OPCML: variants seen among roughly 807,000 people sequenced by gnomAD.
The protein encoded by OPCML is opioid-binding protein/cell adhesion molecule.
In OPCML, 13 loss-of-function variants were observed where a neutral mutation model predicts 37.8. The observed-to-expected ratio is 0.34, with a 90% CI of 0.22 to 0.55. The LOEUF (loss-of-function observed/expected upper bound fraction) is 0.55. OPCML is among the 20% of genes least tolerant of loss of function. The pLI, the probability that OPCML is intolerant of heterozygous loss-of-function variation, is 0.91. For synonymous variants in OPCML, 176 were observed against 168.8 expected (o/e 1.04, Z -0.33); for missense variants, 341 against 435.6 (o/e 0.78, Z 1.93).
chr11:133,492,361 C>T (rs188616457), intron 1 of OPCML, among the ~76,000 whole-genome samples: 84 of 152,194 alleles, frequency 5.5e-4, no homozygotes, highest in African/African-American at 1.5e-3. Context: ...AGTACTTAAT[C>T]CCCTAGGAGA....
At chr11:132,916,816 G>A (rs974075386) in intron 2 of OPCML, among the ~76,000 whole-genome samples, 9 of 152,178 alleles carry the variant, frequency 5.9e-5, no homozygotes, top group African/African-American at 2.2e-4. Flanking sequence ...CCTTCACAGA[G>A]GGGCTGAGGA....
At chr11:133,303,454 C>G (rs2136571222) in intron 1 of OPCML, among the ~76,000 whole-genome samples, 1 of 152,292 alleles carries the variant, frequency 6.6e-6, no homozygotes, top group Non-Finnish European at 1.5e-5. Context: ...TTCATGACTG[C>G]TAATTGCTGA....
chr11:133,410,800 C>T (rs117389359), intron 1 of OPCML, among the ~76,000 whole-genome samples: 13 of 152,104 alleles, frequency 8.5e-5, no homozygotes, highest in East Asian at 5.8e-4. Context: ...CATCACTTGA[C>T]GACATGTTGT....
At chr11:132,740,856 C>A (rs984702867) in intron 2 of OPCML, among the ~76,000 whole-genome samples, 2 of 152,124 alleles carry the variant, frequency 1.3e-5, no homozygotes, top group African/African-American at 4.8e-5. Flanking sequence ...AGTTCAATTT[C>A]TCAACAAATA....
chr11:133,178,547 A>G (rs994590015), intron 1 of OPCML, among the ~76,000 whole-genome samples: 42 of 152,170 alleles, frequency 2.8e-4, no homozygotes, highest in African/African-American at 9.7e-4. Flanking sequence ...TCGTTGGGGA[A>G]ATAAGACATA....
chr11:132,817,611 A>C (rs1015863699), intron 2 of OPCML, among the ~76,000 whole-genome samples: 3 of 152,190 alleles, frequency 2.0e-5, no homozygotes, highest in Non-Finnish European at 2.9e-5. Flanking sequence ...AGAACATCTC[A>C]TAATTCCCTG....
chr11:132,496,175 A>G (rs1277860206), intron 4 of OPCML, among the ~76,000 whole-genome samples: 3 of 152,146 alleles, frequency 2.0e-5, no homozygotes, highest in African/African-American at 2.4e-5. Context: ...GCCTCAGTCA[A>G]GTGCAAGAGC....
Position 132,436,508 on chromosome 11 carries a change from C to T in OPCML, c.764+151G>A, listed in dbSNP as rs918142234. 108 of 1,423,142 alleles carry T rather than the reference C, an allele frequency of 7.6e-5. No individual in the cohort carries two copies. The Middle Eastern group carries it at 1.9e-3, about 25-fold the overall frequency. 88.2% of individuals were successfully genotyped at this position (1,423,142 alleles called of 1,614,324 possible). On this transcript the variant is annotated intron_variant, in intron 6 of 7. Coordinates refer to ENST00000524381, the MANE Select transcript of OPCML (RefSeq NM_001012393.5). ...TCCCAGCCTCCTCCATTTTTTTTCTCGTTGTAAAAATAGACTTTGTTACAA... is the reference window on the plus strand; with the variant it reads ...TCCCAGCCTCCTCCATTTTTTTTCTTGTTGTAAAAATAGACTTTGTTACAA...
intron 3 of OPCML, among the ~76,000 whole-genome samples, chr11:132,622,778 C>T (rs774540606): frequency 6.6e-6 from 1 of 152,270 alleles, no homozygotes; most frequent in South Asian, 2.1e-4. Context: ...GGCTGTAGTG[C>T]CCTTGTCTTG....
At chr11:133,133,779 G>A (rs960211850) in intron 1 of OPCML, among the ~76,000 whole-genome samples, 9 of 152,170 alleles carry the variant, frequency 5.9e-5, no homozygotes, top group African/African-American at 2.2e-4. Context: ...TCCACGAGTT[G>A]CCTGTGCTCA....
chr11:133,227,063 A>G lies in OPCML; in HGVS notation c.62-284053T>C, dbSNP rs1592122590. 3.3e-5 allele frequency among the ~76,000 whole-genome samples: 5 copies of G among 152,162 alleles called. No individual in the cohort carries two copies. In the South Asian group the frequency reaches 1.0e-3, roughly 31 times the overall value. On this transcript the variant is annotated intron_variant, in intron 1 of 7. Coordinates refer to ENST00000524381, the MANE Select transcript of OPCML (RefSeq NM_001012393.5). Reference sequence around the variant, plus strand: ...GCCGGTGTCAGCTCGAACCTGTTTCAAGGAGACCGTCGTGTTAGGGGGGGG... The same window carrying G: ...GCCGGTGTCAGCTCGAACCTGTTTCGAGGAGACCGTCGTGTTAGGGGGGGG...
intron 2 of OPCML, among the ~76,000 whole-genome samples, chr11:132,931,328 A>G (rs188037216): frequency 2.0e-5 from 3 of 152,356 alleles, no homozygotes; most frequent in East Asian, 3.9e-4. Flanking sequence ...ATTGGACTAC[A>G]GTAAAACGTT....
chr11:133,457,686 T>C (rs1946701976), intron 1 of OPCML, among the ~76,000 whole-genome samples: 1 of 152,178 alleles, frequency 6.6e-6, no homozygotes, highest in African/African-American at 2.4e-5. Context: ...CACTCTGTAT[T>C]ATAATTCTCT....
At chr11:132,809,184 A>G (rs1273584458) in intron 2 of OPCML, among the ~76,000 whole-genome samples, 1 of 152,122 alleles carries the variant, frequency 6.6e-6, no homozygotes, top group Non-Finnish European at 1.5e-5. Context: ...TTACTTACTA[A>G]ACCATTCGCT....
At chr11:132,705,057 C>A (rs746815022) in intron 2 of OPCML, among the ~76,000 whole-genome samples, 1 of 152,064 alleles carries the variant, frequency 6.6e-6, no homozygotes, top group Non-Finnish European at 1.5e-5. Flanking sequence ...ACAGAACCAG[C>A]GAGTGTGTAT....
In OPCML at chr11:133,204,868, G is replaced by GTATATATATATATA. The variant is rs57658806; in HGVS notation, c.62-261872_62-261859dup. The stretch of plus-strand genomic sequence containing the variant: ...TGATCTATTATATATATATATATGT[G>GTATATATATATATA]TATATATATATATATATATATATAT... On this transcript the variant is annotated intron_variant, in intron 1 of 7. Coordinates refer to ENST00000524381, the MANE Select transcript of OPCML (RefSeq NM_001012393.5). Among the ~76,000 whole-genome samples the GTATATATATATATA allele has an allele frequency of 5.7e-4, 67 of 117,264 alleles. 1 individual carries two copies. The highest frequency in any genetic ancestry group is 8.4e-4 in the Non-Finnish European group (48 of 57,136). The allele number at this position is 117,264 out of a possible 152,430, so 76.9% of individuals were successfully genotyped here. A position where few individuals can be genotyped will look rare whatever the true frequency, so the allele number is the denominator to read the frequency against.
chr11:132,554,862 A>ATTTTT (rs2096390658), intron 3 of OPCML, among the ~76,000 whole-genome samples: 10 of 57,224 alleles, frequency 1.7e-4, no homozygotes, highest in African/African-American at 7.1e-4. Context: ...AATGGGGTAA[A>ATTTTT]GTTTTTTTTT....
At chr11:133,527,930 G>A (rs1308977612) in intron 1 of OPCML, among the ~76,000 whole-genome samples, 2 of 152,230 alleles carry the variant, frequency 1.3e-5, no homozygotes, top group African/African-American at 2.4e-5. Flanking sequence ...ATTTGAGGCT[G>A]TAACCACCAG....
chr11:132,729,585 G>A (rs1465816251), intron 2 of OPCML, among the ~76,000 whole-genome samples: 2 of 152,192 alleles, frequency 1.3e-5, no homozygotes, highest in Admixed American at 1.3e-4. Flanking sequence ...AGCAGCCACA[G>A]TTTAATCACA....
Sources: gnomAD v4.1 joint callset for allele counts (sites outside exome capture counted in the v4.1 genomes callset) on GRCh38, gnomAD v4.1.1 for gene constraint, MANE v1.5 for transcripts, NCBI Gene and HGNC (gene_info 2026-07-23, HGNC 2026-07-21) for gene names.